Variants in FRMD6 observed in about 807,000 individuals in gnomAD.
FRMD6 encodes FERM domain containing 6, also known as FERM domain-containing protein 6.
In FRMD6, 37 loss-of-function variants were observed where a neutral mutation model predicts 73.2. That is an observed-to-expected ratio of 0.51 (90% CI 0.39 to 0.66). FRMD6 has a LOEUF of 0.66. Ranked by LOEUF, FRMD6 falls within the 30% of genes least tolerant of loss-of-function variation. The pLI is 0.00. For missense variants in FRMD6, 714 were observed against 780.5 expected (o/e 0.91, Z 1.02); for synonymous variants, 273 against 282.2 (o/e 0.97, Z 0.33).
At chr14:51,436,342 C>T in the FRMD6 span, 1 of 391,394 alleles carries the variant, frequency 2.6e-6, no homozygotes, top group Non-Finnish European at 4.9e-6. Context: ...GTTAACCATC[C>T]AAAAGTGTCT....
intron 1 of FRMD6, among the ~76,000 whole-genome samples, chr14:51,505,776 G>A (rs1000577169): frequency 2.0e-5 from 3 of 151,926 alleles, no homozygotes; most frequent in Admixed American, 6.6e-5. Context: ...CCCTCGACTC[G>A]ATCACCCTTT....
At chr14:51,573,891 G>C (rs962110348) in intron 2 of FRMD6, among the ~76,000 whole-genome samples, 2 of 152,170 alleles carry the variant, frequency 1.3e-5, no homozygotes, top group Non-Finnish European at 2.9e-5. Context: ...TTAATACAAT[G>C]ACAACTAGGG....
At chr14:51,470,707 C>T in the FRMD6 span, among the ~76,000 whole-genome samples, 2 of 152,054 alleles carry the variant, frequency 1.3e-5, no homozygotes, top group African/African-American at 4.8e-5. Context: ...TACATTGTAT[C>T]TTCATTCAGT....
chr14:51,607,870 C>A (rs956074633), intron 2 of FRMD6, among the ~76,000 whole-genome samples: 1 of 152,214 alleles, frequency 6.6e-6, no homozygotes, highest in African/African-American at 2.4e-5. Context: ...GAATCCCTGA[C>A]TCTGGGTTCC....
rs59151771 is a variant in FRMD6 at position 51,599,058 on chromosome 14, C to CTTTTTTTT, written c.-147+28668_-147+28675dup. 5.6e-4 allele frequency among the ~76,000 whole-genome samples: 41 copies of CTTTTTTTT among 72,820 alleles called. 3 individuals carry two copies. Among genetic ancestry groups the CTTTTTTTT allele is most frequent in the African/African-American group, 1.9e-3 (35 of 18,186 alleles). The allele number at this position is 72,820 out of a possible 152,430, so 47.8% of individuals were successfully genotyped here. ...TCTCAGCAGCCTTGCCAGTATCTGT[C>CTTTTTTTT]TTTTTTTTTTTTTTTTTTTTTTTTT... On this transcript the variant is annotated intron_variant, in intron 2 of 14. Coordinates refer to the FRMD6 transcript ENST00000356218.
intron 1 of FRMD6, among the ~76,000 whole-genome samples, chr14:51,653,702 C>T (rs1219013205): frequency 5.9e-5 from 9 of 152,108 alleles, no homozygotes; most frequent in Admixed American, 5.9e-4. Flanking sequence ...CTTAACAGCA[C>T]CACAGCACCT....
At chr14:51,419,344 TTC>T in the FRMD6 span, among the ~76,000 whole-genome samples, 2 of 152,216 alleles carry the variant, frequency 1.3e-5, no homozygotes, top group African/African-American at 4.8e-5. Flanking sequence ...GAGATGGGGT[TTC>T]ACCATCTTGG....
chr14:51,652,444 C>T (rs1892487079), intron 1 of FRMD6, among the ~76,000 whole-genome samples: 1 of 152,214 alleles, frequency 6.6e-6, no homozygotes, highest in East Asian at 1.9e-4. Flanking sequence ...TGGCGGGCCC[C>T]GGCACCCAGG....
chr14:51,404,439 G>A, the FRMD6 span, among the ~76,000 whole-genome samples: 1 of 151,956 alleles, frequency 6.6e-6, no homozygotes, highest in Non-Finnish European at 1.5e-5. Flanking sequence ...TATGGGTTGA[G>A]CTTTTAAGTC....
At chr14:51,519,006 T>C (rs1417819861) in intron 1 of FRMD6, among the ~76,000 whole-genome samples, 1 of 152,224 alleles carries the variant, frequency 6.6e-6, no homozygotes, top group East Asian at 1.9e-4. Context: ...CTGAGTGCAG[T>C]AGGAAATGAA....
the FRMD6 span, among the ~76,000 whole-genome samples, chr14:51,434,088 G>GT: frequency 1.3e-5 from 2 of 152,218 alleles, no homozygotes; most frequent in African/African-American, 4.8e-5. Context: ...GAAGAAATAA[G>GT]TTAAAAATAA....
chr14:51,651,903 G>A (rs1424869885), upstream of FRMD6: 3 of 152,342 alleles, frequency 2.0e-5, no homozygotes, highest in Admixed American at 2.0e-4. Flanking sequence ...CGGGGCCAAG[G>A]GGCTGAGAGG....
chr14:51,597,095 C>T (rs1327380556), intron 2 of FRMD6, among the ~76,000 whole-genome samples: 1 of 152,186 alleles, frequency 6.6e-6, no homozygotes, highest in African/African-American at 2.4e-5. Flanking sequence ...CATAATCATT[C>T]ACACATTTTT....
At chr14:51,549,849 C>T (rs911839596) in intron 1 of FRMD6, among the ~76,000 whole-genome samples, 7 of 152,144 alleles carry the variant, frequency 4.6e-5, no homozygotes, top group African/African-American at 1.7e-4. Context: ...CCCGCCTCGG[C>T]CTCCCAAAGT....
chr14:51,403,032 C>G, the FRMD6 span, among the ~76,000 whole-genome samples: 1 of 152,170 alleles, frequency 6.6e-6, no homozygotes, highest in African/African-American at 2.4e-5. Flanking sequence ...ATCTCTCTCC[C>G]AAATGCTTAC....
At chr14:51,508,949 AGAATGACTAT>A (rs1884132959) in intron 1 of FRMD6, among the ~76,000 whole-genome samples, 1 of 152,214 alleles carries the variant, frequency 6.6e-6, no homozygotes, top group African/African-American at 2.4e-5. Context: ...CAACAGATCA[AGAATGACTAT>A]GAATGACTGA....
intron 1 of FRMD6, among the ~76,000 whole-genome samples, chr14:51,548,461 A>T (rs1192575791): frequency 6.6e-6 from 1 of 152,158 alleles, no homozygotes; most frequent in Non-Finnish European, 1.5e-5. Flanking sequence ...ATCATGATGG[A>T]TTCCTAACAC....
chr14:51,482,370 C>G, the FRMD6 span, among the ~76,000 whole-genome samples: 4 of 152,250 alleles, frequency 2.6e-5, no homozygotes, highest in Non-Finnish European at 4.4e-5. Flanking sequence ...AGGCCACACA[C>G]AGTCTCCAGC....
intron 1 of FRMD6, among the ~76,000 whole-genome samples, chr14:51,666,020 T>C (rs1039226477): frequency 6.6e-6 from 1 of 152,258 alleles, no homozygotes; most frequent in African/African-American, 2.4e-5. Context: ...AATGGACTAA[T>C]ACTCTATTGT....
Sources: gnomAD v4.1 joint callset for allele counts (sites outside exome capture counted in the v4.1 genomes callset) on GRCh38, gnomAD v4.1.1 for gene constraint, MANE v1.5 for transcripts, NCBI Gene and HGNC (gene_info 2026-07-23, HGNC 2026-07-21) for gene names.